Variants in AKAP13 observed in about 807,000 individuals in gnomAD.
AKAP13 encodes the protein A-kinase anchor protein 13.
In AKAP13, 80 loss-of-function variants were observed where a neutral mutation model predicts 264.5. The ratio of observed to expected loss-of-function variants is 0.30; its 90% CI spans 0.25 to 0.36. AKAP13 has a LOEUF of 0.36. AKAP13 is among the 10% of genes least tolerant of loss of function. The probability of loss-of-function intolerance (pLI) is 1.00; values close to 1 mark genes in which losing one functional copy is unlikely to be tolerated. For missense variants in AKAP13, 3,712 were observed against 3,435.2 expected (o/e 1.08, Z -2.01); for synonymous variants, 1,380 against 1,250.2 (o/e 1.10, Z -2.19).
intron 8 of AKAP13, among the ~76,000 whole-genome samples, chr15:85,590,145 T>A (rs1214296131): frequency 3.9e-5 from 6 of 152,128 alleles, no homozygotes; most frequent in Admixed American, 3.3e-4. Context: ...CATTGCTTCA[T>A]TGAATCATTG....
intron 1 of AKAP13, among the ~76,000 whole-genome samples, chr15:85,391,434 T>C (rs2070848730): frequency 6.6e-6 from 1 of 152,132 alleles, no homozygotes; most frequent in African/African-American, 2.4e-5. Context: ...AGGGTAACTT[T>C]TGATCTTTTG....
intron 1 of AKAP13, chr15:85,481,046 A>C (rs1233060344): frequency 6.6e-6 from 1 of 152,084 alleles, no homozygotes; most frequent in African/African-American, 2.4e-5. Flanking sequence ...TAGTATATAA[A>C]CATTTTCGTA....
intron 1 of AKAP13, among the ~76,000 whole-genome samples, chr15:85,449,745 A>C (rs574871287): frequency 6.6e-6 from 1 of 152,246 alleles, no homozygotes; most frequent in Non-Finnish European, 1.5e-5. Context: ...TGTTGAACCA[A>C]CTTGCAACTG....
At chr15:85,489,901 G>C (rs2075676004) in intron 2 of AKAP13, among the ~76,000 whole-genome samples, 1 of 152,168 alleles carries the variant, frequency 6.6e-6, no homozygotes, top group Admixed American at 6.5e-5. Flanking sequence ...GCAGGACCCT[G>C]GCCTGAAACT....
chr15:85,533,592 T>G lies in AKAP13; in HGVS notation c.190T>G (p.Cys64Gly), dbSNP rs749644368. 2.5e-6 allele frequency: 4 copies of G among 1,607,210 alleles called. No homozygotes were observed. The highest frequency in any genetic ancestry group is 3.4e-6 in the Non-Finnish European group (4 of 1,176,240). Residue 64 changes from cysteine (C) to glycine (G), a missense_variant, in exon 4 of 37, where the codon TGT (cysteine) becomes GGT (glycine). Cys to Gly is a radical substitution (Grantham distance 159). Transcript: ENST00000394518. Reference sequence around the variant, plus strand: ...GCCTGTGTTTCCTTTAGGTCATGATTGTTGTGAAACAGTGAAGGTGCAGCT... The same window carrying G: ...GCCTGTGTTTCCTTTAGGTCATGATGGTTGTGAAACAGTGAAGGTGCAGCT... ...TLETIAPGHD[C>G]CETVKVQLCA...
intron 17 of AKAP13, among the ~76,000 whole-genome samples, chr15:85,693,950 G>T (rs377246336): frequency 4.6e-4 from 70 of 152,272 alleles, no homozygotes; most frequent in African/African-American, 1.6e-3. Flanking sequence ...ATGCATTTTT[G>T]ACTTAATAGT....
intron 1 of AKAP13, among the ~76,000 whole-genome samples, chr15:85,425,874 C>A: frequency 6.6e-6 from 1 of 150,994 alleles, no homozygotes; most frequent in East Asian, 1.9e-4. Context: ...TTAAAAATAG[C>A]CCAAAAGATA....
At chr15:85,620,157 C>T (rs1304788931) in intron 8 of AKAP13, 25 of 1,536,012 alleles carry the variant, frequency 1.6e-5, no homozygotes, top group South Asian at 1.1e-4. Context: ...GGACTGTGGA[C>T]GTGGTATTGC....
intron 1 of AKAP13, among the ~76,000 whole-genome samples, chr15:85,414,967 G>A (rs1821997295): frequency 1.3e-5 from 2 of 152,178 alleles, no homozygotes; most frequent in Non-Finnish European, 2.9e-5. Context: ...TCACCTAAGT[G>A]TAACTTCAGA....
At chr15:85,529,771 G>A (rs1567108241) in intron 3 of AKAP13, among the ~76,000 whole-genome samples, 1 of 152,108 alleles carries the variant, frequency 6.6e-6, no homozygotes, top group Non-Finnish European at 1.5e-5. Context: ...CAGTAGTAAC[G>A]CTTCCAATGT....
intron 20 of AKAP13, among the ~76,000 whole-genome samples, chr15:85,716,335 T>A (rs909812053): frequency 1.3e-5 from 2 of 152,342 alleles, no homozygotes; most frequent in African/African-American, 4.8e-5. Context: ...TTCTTACCTC[T>A]GTTTTACATC....
chr15:85,735,072 G>A lies in AKAP13; in HGVS notation c.7363G>A (p.Val2455Met). 1 of 1,614,254 alleles carries A rather than the reference G, an allele frequency of 6.2e-7. No homozygotes were observed. The highest frequency in any genetic ancestry group is 8.5e-7 in the Non-Finnish European group (1 of 1,180,032). Residue 2455 changes from valine to methionine, a missense_variant, in exon 31 of 37, where the codon GTG (valine) becomes ATG (methionine). Around this residue, in one of 3 missense-constraint regions of AKAP13, gnomAD observed 611 missense variants for 539.3 expected, o/e 1.13. Transcript: ENST00000394518. Reference protein sequence around the residue: ...PTVSSPIEQDVVGPVSLPRRA... With the variant: ...PTVSSPIEQDMVGPVSLPRRA... The stretch of plus-strand genomic sequence containing the variant: ...TGTCAGCAGCCCCATTGAGCAAGAT[G>A]TGGTCGGTCCCGTTTCCCTGCCCCG...
intron 8 of AKAP13, among the ~76,000 whole-genome samples, chr15:85,631,447 T>A (rs537258874): frequency 2.0e-4 from 30 of 151,858 alleles, no homozygotes; most frequent in African/African-American, 6.8e-4. Flanking sequence ...TACATCTCAA[T>A]AAGGATGTTA....
At chr15:85,469,312 A>G (rs990183014) in intron 1 of AKAP13, among the ~76,000 whole-genome samples, 5 of 152,062 alleles carry the variant, frequency 3.3e-5, no homozygotes, top group Admixed American at 6.6e-5. Flanking sequence ...GGAACTGCAT[A>G]TAATAGTGCC....
intron 16 of AKAP13, chr15:85,691,978 G>A (rs2151635634): frequency 2.5e-5 from 11 of 436,304 alleles, no homozygotes; most frequent in South Asian, 1.8e-4. Context: ...CTAAGCCTTG[G>A]GACTTCCTTT....
intron 1 of AKAP13, among the ~76,000 whole-genome samples, chr15:85,413,292 G>A (rs1042286814): frequency 6.6e-6 from 1 of 152,212 alleles, no homozygotes; most frequent in East Asian, 1.9e-4. Flanking sequence ...AGAACAGACC[G>A]TAACTGGAAG....
chr15:85,646,594 A>G (rs1434211698), intron 10 of AKAP13, among the ~76,000 whole-genome samples: 1 of 152,220 alleles, frequency 6.6e-6, no homozygotes, highest in Admixed American at 6.5e-5. Flanking sequence ...GTGGGCAGCA[A>G]GGACCGCAGC....
At chr15:85,501,872 A>G (rs763224852) in intron 2 of AKAP13, among the ~76,000 whole-genome samples, 7 of 151,960 alleles carry the variant, frequency 4.6e-5, no homozygotes, top group Admixed American at 6.6e-5. Context: ...TTTGTGAAAT[A>G]AGGATGTTGG....
At chr15:85,686,155 GTGTGTGTGTGTA>G (rs1167763390) in intron 16 of AKAP13, among the ~76,000 whole-genome samples, 1 of 139,486 alleles carries the variant, frequency 7.2e-6, no homozygotes, top group Non-Finnish European at 1.5e-5. Flanking sequence ...CTGTGTGTGT[GTGTGTGTGTGTA>G]TGTGTGTGTG....
Sources: gnomAD v4.1 joint callset for allele counts (sites outside exome capture counted in the v4.1 genomes callset) on GRCh38, gnomAD v4.1.1 for gene constraint, gnomAD v4.1.1 regional missense constraint, MANE v1.5 for transcripts, NCBI Gene and HGNC (gene_info 2026-07-23, HGNC 2026-07-21) for gene names.